EFNA2: variants seen among roughly 807,000 people sequenced by gnomAD.
The protein encoded by EFNA2 is ephrin-A2.
A neutral mutation model predicts 19.7 loss-of-function variants in EFNA2; 18 were observed. That is an observed-to-expected ratio of 0.91 (90% CI 0.63 to 1.35). EFNA2 has a LOEUF of 1.35. Among genes scored for constraint, EFNA2 ranks in the 40% most tolerant of loss-of-function variants. The pLI, the probability that EFNA2 is intolerant of heterozygous loss-of-function variation, is 0.00. For synonymous variants in EFNA2, 187 were observed against 137.8 expected (o/e 1.36, Z -2.50); for missense variants, 303 against 296.0 (o/e 1.02, Z -0.17).
rs2081522697 is a variant in EFNA2 at position 1,297,836 on chromosome 19, C to G, written c.455-715C>G. Among the ~76,000 whole-genome samples, 1 of 152,104 alleles carries G rather than the reference C, an allele frequency of 6.6e-6. No homozygotes were observed. Among genetic ancestry groups the G allele is most frequent in the African/African-American group, 2.4e-5 (1 of 41,414 alleles). The stretch of plus-strand genomic sequence containing the variant: ...CCTGTAATCCCAGCACTTTGGGAGG[C>G]CGAGGCGGGTGGATCACCTGAGGTC... On this transcript the variant is annotated intron_variant, in intron 2 of 3. Coordinates refer to ENST00000215368, the MANE Select transcript of EFNA2 (RefSeq NM_001405.4). The surrounding 1 kb of genome is among the most constrained non-coding windows in gnomAD (Gnocchi z 5.0).
chr19:1,300,835 C>T lies in EFNA2; in HGVS notation c.*890C>T, dbSNP rs971701155. Among the ~76,000 whole-genome samples, 1 of 152,198 alleles carries T rather than the reference C, an allele frequency of 6.6e-6. No homozygotes were observed. Among genetic ancestry groups the T allele is most frequent in the Non-Finnish European group, 1.5e-5 (1 of 68,038 alleles). On this transcript the variant is annotated 3_prime_UTR_variant, in exon 4 of 4. Transcript: ENST00000215368. ...CCCCTCGCCTCACACGGTCCCTCTC[C>T]GAGGCCGAGAAGACCTTCTGTTCCT...
At position 1,295,491 on chromosome 19, in the gene EFNA2, C is replaced by A. The variant is rs1186461959; in HGVS notation, c.141-54C>A. 2.7e-6 allele frequency: 4 copies of A among 1,474,144 alleles called. No individual in the cohort carries two copies. Among genetic ancestry groups the A allele is most frequent in the Non-Finnish European group, 2.7e-6 (3 of 1,114,394 alleles). 91.3% of individuals were successfully genotyped at this position (1,474,144 alleles called of 1,614,324 possible). A position where few individuals can be genotyped will look rare whatever the true frequency, so the allele number is the denominator to read the frequency against. On this transcript the variant is annotated intron_variant, in intron 1 of 3. Coordinates refer to ENST00000215368, the MANE Select transcript of EFNA2 (RefSeq NM_001405.4). The surrounding 1 kb of genome is among the most constrained non-coding windows in gnomAD (Gnocchi z 5.8). ...CCTGGCCCTCCCCGCGCACCCCGAC[C>A]CGTGCCCCGTTCCTCGCTCCGGGCG...
rs117082843 is a variant in EFNA2, at chr19:1,292,722, G to A, written c.141-2823G>A. ...GTGTGGATTTTATTCTGAGGATCAG[G>A]AATGGATGGAGGGCTCTGAGCCGCC... is the stretch of plus-strand genomic sequence containing the variant. On this transcript the variant is annotated intron_variant, in intron 1 of 3. Transcript: ENST00000215368. Among the ~76,000 whole-genome samples, 932 of 152,272 alleles carry A rather than the reference G, an allele frequency of 6.1e-3. 2 individuals are homozygous for A. Among genetic ancestry groups the A allele is most frequent in the Non-Finnish European group, 1.0e-2 (678 of 68,012 alleles).
At position 1,296,761 on chromosome 19, in the gene EFNA2, C is replaced by T. The variant is rs969257228; in HGVS notation, c.454+903C>T. Among the ~76,000 whole-genome samples the T allele has an allele frequency of 1.3e-5, 2 of 152,220 alleles. No homozygotes were observed. Among genetic ancestry groups the T allele is most frequent in the African/African-American group, 4.8e-5 (2 of 41,454 alleles). Reference sequence around the variant, plus strand: ...CCCACCCCCGCATCTCCCCGGGACCCATGCCAGGCTCGGAGACTCCCTGAG... The same window carrying T: ...CCCACCCCCGCATCTCCCCGGGACCTATGCCAGGCTCGGAGACTCCCTGAG... On this transcript the variant is annotated intron_variant, in intron 2 of 3. Coordinates refer to ENST00000215368, the MANE Select transcript of EFNA2 (RefSeq NM_001405.4). This position sits in a 1 kb window ranked among gnomAD's most constrained non-coding sequence, Gnocchi z 4.4.
Position 1,295,463 on chromosome 19 carries a change from G to A in EFNA2, c.141-82G>A, listed in dbSNP as rs2081509507. ...CCCGTCCCTCGTGCTCCTGTCCCCT[G>A]ACCCTGGCCCTCCCCGCGCACCCCG... On this transcript the variant is annotated intron_variant, in intron 1 of 3. Coordinates refer to ENST00000215368, the MANE Select transcript of EFNA2 (RefSeq NM_001405.4). This position sits in a 1 kb window ranked among gnomAD's most constrained non-coding sequence, Gnocchi z 5.8. The A allele has an allele frequency of 1.5e-6, 2 of 1,374,976 alleles. No homozygotes were observed. Among genetic ancestry groups the A allele is most frequent in the Non-Finnish European group, 9.5e-7 (1 of 1,048,896 alleles). 85.2% of individuals were successfully genotyped at this position (1,374,976 alleles called of 1,614,324 possible).
intron 1 of EFNA2, among the ~76,000 whole-genome samples, chr19:1,293,839 C>T (rs2081502423): frequency 2.0e-5 from 3 of 152,256 alleles, no homozygotes; most frequent in Admixed American, 2.0e-4. Context: ...GTGAGCACAC[C>T]TGTCTGCCCC....
rs187419030 is a variant in EFNA2 at position 1,286,757 on chromosome 19, G to T, written c.140+449G>T. ...AGGTGGGGGACTGTGGCCCTCGAGG[G>T]ATCTCTGGGTTCGTCCTGCCCGCAG... On this transcript the variant is annotated intron_variant, in intron 1 of 3. Transcript: ENST00000215368. This position sits in a 1 kb window ranked among gnomAD's most constrained non-coding sequence, Gnocchi z 5.6. Among the ~76,000 whole-genome samples, 118 of 152,330 alleles carry T rather than the reference G, an allele frequency of 7.7e-4. 1 individual carries two copies. Among genetic ancestry groups the T allele is most frequent in the Non-Finnish European group, 1.8e-4 (12 of 68,006 alleles).
At position 1,295,737 on chromosome 19, in the gene EFNA2, C is replaced by G; in HGVS notation, c.333C>G (p.Arg111=). The change falls in exon 2 of 4, where the codon CGC becomes CGG. Residue 111 remains arginine, a synonymous_variant. Coordinates refer to ENST00000215368, the MANE Select transcript of EFNA2 (RefSeq NM_001405.4). This position sits in a 1 kb window ranked among gnomAD's most constrained non-coding sequence, Gnocchi z 5.8. ...SCDHRQRGFK[R]WECNRPAAPG... is the part of the protein sequence containing the mutation. ...ACCACCGCCAGCGCGGCTTCAAGCG[C>G]TGGGAGTGCAACCGGCCCGCGGCGC... 1 of 1,608,328 alleles carries G rather than the reference C, an allele frequency of 6.2e-7. No homozygotes were observed. Among genetic ancestry groups the G allele is most frequent in the Non-Finnish European group, 8.5e-7 (1 of 1,177,974 alleles).
At position 1,290,024 on chromosome 19, in the gene EFNA2, C is replaced by A. The variant is rs561253229; in HGVS notation, c.140+3716C>A. The stretch of plus-strand genomic sequence containing the variant: ...TCCTGGAGGCCGTGGGGTACCTGGA[C>A]TCAGACTCGGGAGTCTGGGAGACCT... On this transcript the variant is annotated intron_variant, in intron 1 of 3. Transcript: ENST00000215368. Among the ~76,000 whole-genome samples, 125 of 152,036 alleles carry A rather than the reference C, an allele frequency of 8.2e-4. 1 individual carries two copies. Among genetic ancestry groups the A allele is most frequent in the African/African-American group, 2.7e-3 (112 of 41,436 alleles).
Position 1,295,476 on chromosome 19 carries a change from C to T in EFNA2, c.141-69C>T. 7.0e-7 allele frequency: 1 copy of T among 1,426,842 alleles called. No homozygotes were observed. The highest frequency in any genetic ancestry group is 1.4e-5 in the South Asian group (1 of 69,454). 88.4% of individuals were successfully genotyped at this position (1,426,842 alleles called of 1,614,324 possible). ...CTCCTGTCCCCTGACCCTGGCCCTC[C>T]CCGCGCACCCCGACCCGTGCCCCGT... On this transcript the variant is annotated intron_variant, in intron 1 of 3. Coordinates refer to ENST00000215368, the MANE Select transcript of EFNA2 (RefSeq NM_001405.4). The surrounding 1 kb of genome is among the most constrained non-coding windows in gnomAD (Gnocchi z 5.8).
chr19:1,293,585 G>T lies in EFNA2; in HGVS notation c.141-1960G>T, dbSNP rs1162902151. 3.3e-5 allele frequency among the ~76,000 whole-genome samples: 5 copies of T among 152,216 alleles called. No individual in the cohort carries two copies. The East Asian group carries it at 9.6e-4, about 29-fold the overall frequency. ...AGAACTGCAAGATTCCGAAGCCCCG[G>T]AAGGGCCCCTGCCCTCCAGGCCTGG... On this transcript the variant is annotated intron_variant, in intron 1 of 3. Transcript: ENST00000215368.
rs1436055710 is a variant in EFNA2 at position 1,294,677 on chromosome 19, C to T, written c.141-868C>T. Among the ~76,000 whole-genome samples, 4 of 121,290 alleles carry T rather than the reference C, an allele frequency of 3.3e-5. No individual in the cohort carries two copies. The highest frequency in any genetic ancestry group is 1.8e-4 in the Admixed American group (2 of 11,238). The allele number at this position is 121,290 out of a possible 152,430, so 79.6% of individuals were successfully genotyped here. A position where few individuals can be genotyped will look rare whatever the true frequency, so the allele number is the denominator to read the frequency against. On this transcript the variant is annotated intron_variant, in intron 1 of 3. Coordinates refer to ENST00000215368, the MANE Select transcript of EFNA2 (RefSeq NM_001405.4). The surrounding 1 kb of genome is among the most constrained non-coding windows in gnomAD (Gnocchi z 5.8). ...ACTCGGCAGGCTGAGAGAGAGGGGGCGGTGGGCGGAACTCTGGGGGTGCTG... is the reference window on the plus strand; with the variant it reads ...ACTCGGCAGGCTGAGAGAGAGGGGGTGGTGGGCGGAACTCTGGGGGTGCTG...
chr19:1,293,759 C>T (rs912332035), intron 1 of EFNA2, among the ~76,000 whole-genome samples: 12 of 152,230 alleles, frequency 7.9e-5, no homozygotes, highest in African/African-American at 1.4e-4. Flanking sequence ...CCGCCTCCGC[C>T]GCCCTGCCTT....
In EFNA2 at chr19:1,300,241, ATTTTTTTTTTTTTTTTTT is replaced by A. The variant is rs58281257; in HGVS notation, c.*314_*331del. ...CGGAGAACCCGGGAACCTCTTGGCG[ATTTTTTTTTTTTTTTTTT>A]TTTTTTTTTTTTTTTTTAGTGTATT... On this transcript the variant is annotated 3_prime_UTR_variant, in exon 4 of 4. Transcript: ENST00000215368. 6.1e-4 allele frequency: 26 copies of A among 42,696 alleles called. No individual in the cohort carries two copies. Among genetic ancestry groups the A allele is most frequent in the Non-Finnish European group, 8.1e-4 (18 of 22,152 alleles). The allele number at this position is 42,696 out of a possible 1,614,324, so 2.6% of individuals were successfully genotyped here. A position where few individuals can be genotyped will look rare whatever the true frequency, so the allele number is the denominator to read the frequency against.
chr19:1,286,192 G>A lies in EFNA2; in HGVS notation c.24G>A (p.Leu8=). The change falls in exon 1 of 4, where the codon CTG becomes CTA. Residue 8 remains leucine, a synonymous_variant. Transcript: ENST00000215368. This position sits in a 1 kb window ranked among gnomAD's most constrained non-coding sequence, Gnocchi z 5.6. ...CCATGGCGCCCGCGCAGCGCCCGCTGCTCCCGCTGCTGCTCCTGCTGTTAC... is the reference window on the plus strand; with the variant it reads ...CCATGGCGCCCGCGCAGCGCCCGCTACTCCCGCTGCTGCTCCTGCTGTTAC... MAPAQRP[L]LPLLLLLLPL... is the part of the protein sequence containing the mutation. 2 of 1,039,492 alleles carry A rather than the reference G, an allele frequency of 1.9e-6. No individual in the cohort carries two copies. The highest frequency in any genetic ancestry group is 1.2e-6 in the Non-Finnish European group (1 of 863,852). The allele number at this position is 1,039,492 out of a possible 1,614,324, so 64.4% of individuals were successfully genotyped here.
At position 1,285,951 on chromosome 19, in the gene EFNA2, G is replaced by A. The variant is rs1294827579; in HGVS notation, c.-218G>A. Among the ~76,000 whole-genome samples the A allele has an allele frequency of 3.4e-5, 5 of 145,320 alleles. No homozygotes were observed. The highest frequency in any genetic ancestry group is 1.4e-4 in the Admixed American group (2 of 14,704). On this transcript the variant is annotated 5_prime_UTR_variant, in exon 1 of 4. Transcript: ENST00000215368. The surrounding 1 kb of genome is among the most constrained non-coding windows in gnomAD (Gnocchi z 4.1). ...GTCCGCGCGGCCGGGTCCTGCGCCC[G>A]GGGCGACCCCGGCGCCCCGCCCCGC...
chr19:1,292,907 G>A (rs573598069), intron 1 of EFNA2, among the ~76,000 whole-genome samples: 1 of 152,322 alleles, frequency 6.6e-6, no homozygotes, highest in Non-Finnish European at 1.5e-5. Context: ...AGGCAGAACA[G>A]GAGGAGAGAA....
Position 1,295,939 on chromosome 19 carries a change from TG to T in EFNA2, c.454+85del, listed in dbSNP as rs919078456. 1.7e-3 allele frequency: 391 copies of T among 224,140 alleles called. 1 individual carries two copies. Among genetic ancestry groups the T allele is most frequent in the African/African-American group, 0.013 (211 of 16,016 alleles). The allele number at this position is 224,140 out of a possible 1,614,324, so 13.9% of individuals were successfully genotyped here. A position where few individuals can be genotyped will look rare whatever the true frequency, so the allele number is the denominator to read the frequency against. Reference sequence around the variant, plus strand: ...GGGGCCAGGAAGTGGGCGGGACCACTGGGGTGGGGCCGGGGAGTGGGCGGGG... The same window carrying T: ...GGGGCCAGGAAGTGGGCGGGACCACTGGGTGGGGCCGGGGAGTGGGCGGGG... On this transcript the variant is annotated intron_variant, in intron 2 of 3. Coordinates refer to ENST00000215368, the MANE Select transcript of EFNA2 (RefSeq NM_001405.4). The surrounding 1 kb of genome is among the most constrained non-coding windows in gnomAD (Gnocchi z 5.8).
Position 1,298,977 on chromosome 19 carries a change from C to A in EFNA2, c.520+361C>A, listed in dbSNP as rs577805024. Among the ~76,000 whole-genome samples, 142 of 152,258 alleles carry A rather than the reference C, an allele frequency of 9.3e-4. 1 individual carries two copies. Among genetic ancestry groups the A allele is most frequent in the African/African-American group, 3.3e-3 (138 of 41,544 alleles). On this transcript the variant is annotated intron_variant, in intron 3 of 3. Transcript: ENST00000215368. ...CAAAGCAGGCCGGTTGGGTGGCTCACGCCTGTAATCCCAACTTTGGGAGCC... is the reference window on the plus strand; with the variant it reads ...CAAAGCAGGCCGGTTGGGTGGCTCAAGCCTGTAATCCCAACTTTGGGAGCC...
Sources: allele counts gnomAD v4.1 joint callset (sites outside exome capture counted in the v4.1 genomes callset), GRCh38; gene constraint gnomAD v4.1.1; non-coding constraint Gnocchi (gnomAD v3.1); transcripts MANE v1.5; gene names NCBI Gene and HGNC (gene_info 2026-07-23, HGNC 2026-07-21).